The following ZBTB7C variants were observed in gnomAD, a reference collection of about 807,000 sequenced individuals.
The protein encoded by ZBTB7C is zinc finger and BTB domain-containing protein 7C.
In ZBTB7C, 8 loss-of-function variants were observed where a neutral mutation model predicts 25.7. The ratio of observed to expected loss-of-function variants is 0.31; its 90% CI spans 0.18 to 0.56. The LOEUF is 0.56. ZBTB7C is among the 20% of genes least tolerant of loss of function. The pLI is 0.91. For synonymous variants in ZBTB7C, 394 were observed against 369.0 expected, an observed-to-expected ratio of 1.07 and a Z score of -0.78; for missense variants, 824 against 855.2, an observed-to-expected ratio of 0.96 and a Z score of 0.46.
At chr18:48,390,997 C>T (rs1475238861) in intron 1 of ZBTB7C, among the ~76,000 whole-genome samples, 1 of 152,208 alleles carries the variant, frequency 6.6e-6, no homozygotes, top group East Asian at 1.9e-4. Context: ...GAGCTGGCTG[C>T]AGCAGACCTG....
Position 48,063,903 on chromosome 18 carries a change from A to C in ZBTB7C, c.-16-22780T>G, listed in dbSNP as rs4462673. The stretch of plus-strand genomic sequence containing the variant: ...TATATTTAATTTATAATTATATATA[A>C]TTTATAATTGATAATTAAATACTTA... On this transcript the variant is annotated intron_variant, in intron 3 of 4. Coordinates refer to ENST00000590800, the MANE Select transcript of ZBTB7C (RefSeq NM_001318841.2). Among the ~76,000 whole-genome samples the C allele has an allele frequency of 5.9e-5, 9 of 151,712 alleles. No homozygotes were observed. The East Asian group carries it at 1.7e-3, about 29-fold the overall frequency.
chr18:48,245,546 A>G (rs946139823), intron 2 of ZBTB7C, among the ~76,000 whole-genome samples: 1 of 151,718 alleles, frequency 6.6e-6, no homozygotes. Context: ...GCTCAAGAGT[A>G]AAAACATATT....
intron 3 of ZBTB7C, among the ~76,000 whole-genome samples, chr18:48,095,442 C>T (rs1248464212): frequency 1.3e-5 from 2 of 152,098 alleles, no homozygotes; most frequent in African/African-American, 4.8e-5. Flanking sequence ...GTGGCTCATG[C>T]CACCCATGTA....
intron 3 of ZBTB7C, among the ~76,000 whole-genome samples, chr18:48,048,695 G>T (rs980875305): frequency 6.6e-6 from 1 of 152,174 alleles, no homozygotes; most frequent in African/African-American, 2.4e-5. Flanking sequence ...TTTTTGCAGG[G>T]ATGGGGCCAT....
At chr18:48,330,089 A>G (rs2046310090) in intron 2 of ZBTB7C, among the ~76,000 whole-genome samples, 1 of 152,320 alleles carries the variant, frequency 6.6e-6, no homozygotes, top group East Asian at 1.9e-4. Context: ...CCAGGCACTG[A>G]GTAAGTCCTT....
chr18:48,357,804 A>C (rs932196137), intron 1 of ZBTB7C, among the ~76,000 whole-genome samples: 3 of 152,230 alleles, frequency 2.0e-5, no homozygotes, highest in Admixed American at 6.5e-5. Context: ...CTTCTCCTCA[A>C]TCCAGCTTTT....
intron 3 of ZBTB7C, among the ~76,000 whole-genome samples, chr18:48,073,619 C>T (rs1188275542): frequency 6.6e-6 from 1 of 152,168 alleles, no homozygotes; most frequent in East Asian, 1.9e-4. Flanking sequence ...AGGCTCTGCT[C>T]CTCCCTCAGC....
At chr18:48,406,486 C>A (rs776310350) in intron 1 of ZBTB7C, among the ~76,000 whole-genome samples, 1 of 152,172 alleles carries the variant, frequency 6.6e-6, no homozygotes, top group Non-Finnish European at 1.5e-5. Context: ...GTAATATGAA[C>A]AAATAGCTGA....
At chr18:48,137,647 TTAAG>T (rs2040216974) in intron 3 of ZBTB7C, among the ~76,000 whole-genome samples, 1 of 152,280 alleles carries the variant, frequency 6.6e-6, no homozygotes, top group Non-Finnish European at 1.5e-5. Context: ...CAGCAATCCT[TTAAG>T]TAACAAAAAA....
At chr18:48,343,334 G>A (rs1486331022) in intron 1 of ZBTB7C, among the ~76,000 whole-genome samples, 1 of 151,996 alleles carries the variant, frequency 6.6e-6, no homozygotes, top group African/African-American at 2.4e-5. Context: ...CCCTGTGTTT[G>A]TCCCCACCAT....
chr18:48,106,123 C>T (rs925377074), intron 3 of ZBTB7C, among the ~76,000 whole-genome samples: 1 of 152,240 alleles, frequency 6.6e-6, no homozygotes, highest in African/African-American at 2.4e-5. Flanking sequence ...GCTCCCCAAA[C>T]TCCACCCTGG....
At chr18:48,196,890 C>T (rs1332663183) in intron 2 of ZBTB7C, among the ~76,000 whole-genome samples, 1 of 152,196 alleles carries the variant, frequency 6.6e-6, no homozygotes, top group African/African-American at 2.4e-5. Flanking sequence ...CTACTTTGAA[C>T]CATCCACCTT....
At chr18:48,396,666 T>A (rs2048034079) in intron 1 of ZBTB7C, among the ~76,000 whole-genome samples, 1 of 152,242 alleles carries the variant, frequency 6.6e-6, no homozygotes, top group South Asian at 2.1e-4. Flanking sequence ...CCTTGCCACA[T>A]TTCACAGCCT....
At chr18:48,192,765 G>A (rs577442229) in intron 2 of ZBTB7C, among the ~76,000 whole-genome samples, 1 of 152,224 alleles carries the variant, frequency 6.6e-6, no homozygotes, top group South Asian at 2.1e-4. Context: ...CCCAGTGGAT[G>A]ATGGACTTTA....
chr18:48,157,162 T>TG (rs1239567078), intron 3 of ZBTB7C, among the ~76,000 whole-genome samples: 2 of 152,130 alleles, frequency 1.3e-5, no homozygotes, highest in African/African-American at 4.8e-5. Context: ...GCCTATAACC[T>TG]GGGGGTACTC....
At chr18:48,053,859 G>A (rs1316228364) in intron 3 of ZBTB7C, among the ~76,000 whole-genome samples, 1 of 152,192 alleles carries the variant, frequency 6.6e-6, no homozygotes, top group East Asian at 1.9e-4. Context: ...CAGAGGACGG[G>A]GACTCTGCTG....
intron 3 of ZBTB7C, among the ~76,000 whole-genome samples, chr18:48,047,634 G>T (rs2036526013): frequency 6.6e-6 from 1 of 152,118 alleles, no homozygotes; most frequent in African/African-American, 2.4e-5. Context: ...AAGCAACCCT[G>T]TCTGAAAAAA....
At chr18:48,360,275 G>C (rs573380420) in intron 1 of ZBTB7C, among the ~76,000 whole-genome samples, 47 of 152,336 alleles carry the variant, frequency 3.1e-4, no homozygotes, top group African/African-American at 1.1e-3. Flanking sequence ...GAGAAAATGC[G>C]TAACCGAACT....
chr18:48,167,446 C>A lies in ZBTB7C; in HGVS notation c.-17+18488G>T, dbSNP rs559352821. Among the ~76,000 whole-genome samples, 8 of 152,326 alleles carry A rather than the reference C, an allele frequency of 5.3e-5. No individual in the cohort carries two copies. The East Asian group carries it at 1.5e-3, about 29-fold the overall frequency. On this transcript the variant is annotated intron_variant, in intron 3 of 4. Coordinates refer to ENST00000590800, the MANE Select transcript of ZBTB7C (RefSeq NM_001318841.2). ...CCCTGCACCCCAACAAAGAAATGCA[C>A]CCTGAAAGCCTGTGGCACTAAGGTA... is the stretch of plus-strand genomic sequence containing the variant.
Sources: allele counts gnomAD v4.1 joint callset (sites outside exome capture counted in the v4.1 genomes callset), GRCh38; gene constraint gnomAD v4.1.1; transcripts MANE v1.5; gene names NCBI Gene and HGNC (gene_info 2026-07-23, HGNC 2026-07-21).